The following MARCHF1 variants were observed in gnomAD, a reference collection of about 807,000 sequenced individuals.
MARCHF1 encodes the protein membrane associated ring-CH-type finger 1.
A neutral mutation model predicts 54.2 loss-of-function variants in MARCHF1; 40 were observed. The ratio of observed to expected loss-of-function variants is 0.74; its 90% confidence interval spans 0.57 to 0.96. MARCHF1 has a LOEUF of 0.96. MARCHF1 is among the 40% of genes least tolerant of loss of function. The pLI, the probability that MARCHF1 is intolerant of heterozygous loss-of-function variation, is 0.00. For missense variants in MARCHF1, 586 were observed against 656.5 expected, an observed-to-expected ratio of 0.89 and a Z score of 1.17; for synonymous variants, 236 against 236.3, an observed-to-expected ratio of 1.00 and a Z score of 0.01.
chr4:164,043,805 T>C (rs985120131), intron 2 of MARCHF1, among the ~76,000 whole-genome samples: 1 of 152,214 alleles, frequency 6.6e-6, no homozygotes, highest in African/African-American at 2.4e-5. Flanking sequence ...CATATGAGCA[T>C]AGAATTTTAG....
chr4:163,646,186 C>G (rs1399322598), intron 5 of MARCHF1, among the ~76,000 whole-genome samples: 1 of 152,056 alleles, frequency 6.6e-6, no homozygotes, highest in Non-Finnish European at 1.5e-5. Context: ...GACTTCTCAA[C>G]AGAAACTTGC....
At chr4:164,112,728 A>G (rs1755859581) in intron 1 of MARCHF1, among the ~76,000 whole-genome samples, 1 of 151,988 alleles carries the variant, frequency 6.6e-6, no homozygotes, top group Non-Finnish European at 1.5e-5. Context: ...TTCACACTAT[A>G]TACAACAAAT....
chr4:164,096,907 T>C (rs1048919691), intron 2 of MARCHF1, among the ~76,000 whole-genome samples: 2 of 152,156 alleles, frequency 1.3e-5, no homozygotes, highest in African/African-American at 2.4e-5. Flanking sequence ...ACTATTTTAC[T>C]ATGCCTAAAC....
intron 5 of MARCHF1, among the ~76,000 whole-genome samples, chr4:163,646,481 T>C (rs1029644067): frequency 1.3e-5 from 2 of 152,096 alleles, no homozygotes; most frequent in African/African-American, 2.4e-5. Flanking sequence ...CAAACTCAGA[T>C]TACCTCAATA....
chr4:163,585,555 T>C, intron 8 of MARCHF1, 194 bp downstream of exon 8: 1 of 418,684 alleles, frequency 2.4e-6, no homozygotes, highest in East Asian at 3.6e-5. Flanking sequence ...AGCTCTAGAA[T>C]ATAAAACATA....
intron 1 of MARCHF1, among the ~76,000 whole-genome samples, chr4:164,319,826 G>A (rs531400299): frequency 1.3e-5 from 2 of 152,118 alleles, no homozygotes; most frequent in African/African-American, 4.8e-5. Context: ...CCTAGAATGA[G>A]AACAGCAAAG....
At chr4:163,920,023 G>A (rs56292935) in intron 3 of MARCHF1, among the ~76,000 whole-genome samples, 38,011 of 151,990 alleles carry the variant, frequency 0.25, 6,191 homozygotes, top group African/African-American at 0.46. Flanking sequence ...AAATGAGAAA[G>A]ATATGTAATA....
intron 1 of MARCHF1, among the ~76,000 whole-genome samples, chr4:164,207,836 G>C (rs1218496457): frequency 6.6e-6 from 1 of 152,156 alleles, no homozygotes; most frequent in African/African-American, 2.4e-5. Context: ...AGAGTGGGAG[G>C]AGGGAGAGGA....
At position 164,284,387 on chromosome 4, in the gene MARCHF1, T is replaced by C. The variant is rs527565179; in HGVS notation, c.-323+99483A>G. The stretch of plus-strand genomic sequence containing the variant: ...GCAAGAACAAGCTGGTCTGGCTCAG[T>C]TCTCCAGAGTAGAAAAATTGTACAG... On this transcript the variant is annotated intron_variant, in intron 1 of 9. Transcript: ENST00000514618. 6.0e-4 allele frequency among the ~76,000 whole-genome samples: 89 copies of C among 149,358 alleles called. 2 individuals carry two copies. The highest frequency in any genetic ancestry group is 1.6e-3 in the Admixed American group (23 of 14,644).
rs183470181 is a variant in MARCHF1, at chr4:164,293,287, A to T, written c.-323+90583T>A. Among the ~76,000 whole-genome samples, 323 of 152,290 alleles carry T rather than the reference A, an allele frequency of 2.1e-3. 2 individuals carry two copies. Among genetic ancestry groups the T allele is most frequent in the African/African-American group, 7.6e-3 (314 of 41,572 alleles). ...GCAACAAATAGCAGAGTGTCAGCCA[A>T]TCACAAGCAGCCAAGCTTCAGTCAA... On this transcript the variant is annotated intron_variant, in intron 1 of 9. Transcript: ENST00000514618.
intron 1 of MARCHF1, among the ~76,000 whole-genome samples, chr4:164,117,012 C>A (rs1357900829): frequency 6.6e-6 from 1 of 152,028 alleles, no homozygotes; most frequent in Non-Finnish European, 1.5e-5. Flanking sequence ...AATGCCAGCA[C>A]TTTGGGAGGC....
In MARCHF1 at chr4:163,622,102, G is replaced by A. The variant is rs1233981589; in HGVS notation, c.163-8709C>T. ...TCTGGGTTGTGTAAAAGGCAGCTGA[G>A]ATTGCTTACCCAGGGAAGTAACCAG... On this transcript the variant is annotated intron_variant, in intron 5 of 9. Coordinates refer to ENST00000514618, the MANE Select transcript of MARCHF1 (RefSeq NM_001394959.1). 1.1e-4 allele frequency among the ~76,000 whole-genome samples: 16 copies of A among 152,170 alleles called. No individual in the cohort carries two copies. In the East Asian group the frequency reaches 3.1e-3, roughly 29 times the overall value.
chr4:163,839,605 A>C (rs1436799436), intron 4 of MARCHF1, among the ~76,000 whole-genome samples: 1 of 152,110 alleles, frequency 6.6e-6, no homozygotes, highest in African/African-American at 2.4e-5. Flanking sequence ...GTCACAAAAG[A>C]CTACATATTG....
Position 163,528,577 on chromosome 4 carries a change from A to C in MARCHF1, c.*171T>G, listed in dbSNP as rs1214203437. 15 of 614,274 alleles carry C rather than the reference A, an allele frequency of 2.4e-5. No individual in the cohort carries two copies. In the East Asian group the frequency reaches 3.7e-4, roughly 15 times the overall value. 38.1% of individuals were successfully genotyped at this position (614,274 alleles called of 1,614,324 possible). Reference sequence around the variant, plus strand: ...GCTATTACTTCATGGGCTCCTGGGCATTTGGTCTGTTTGTTTTTCTCCTTT... The same window carrying C: ...GCTATTACTTCATGGGCTCCTGGGCCTTTGGTCTGTTTGTTTTTCTCCTTT... On this transcript the variant is annotated 3_prime_UTR_variant, in exon 10 of 10. Coordinates refer to ENST00000514618, the MANE Select transcript of MARCHF1 (RefSeq NM_001394959.1).
chr4:163,998,249 G>T (rs1273399811), intron 2 of MARCHF1, among the ~76,000 whole-genome samples: 1 of 151,134 alleles, frequency 6.6e-6, no homozygotes, highest in South Asian at 2.1e-4. Context: ...GGCCTCTAAA[G>T]TCTCATACAT....
chr4:163,690,816 G>A (rs543709099), intron 5 of MARCHF1, among the ~76,000 whole-genome samples: 2 of 152,280 alleles, frequency 1.3e-5, no homozygotes, highest in East Asian at 3.9e-4. Flanking sequence ...CCTATCATAA[G>A]AAGCTCAAAG....
chr4:163,873,245 A>C (rs1447212101), intron 3 of MARCHF1, among the ~76,000 whole-genome samples: 2 of 152,196 alleles, frequency 1.3e-5, no homozygotes, highest in Non-Finnish European at 2.9e-5. Flanking sequence ...TAGCTAGTTT[A>C]CACCTCAGTG....
chr4:164,322,762 T>A (rs1483216510), intron 1 of MARCHF1, among the ~76,000 whole-genome samples: 1 of 151,706 alleles, frequency 6.6e-6, no homozygotes, highest in African/African-American at 2.4e-5. Flanking sequence ...CAAAGCAAAG[T>A]GTATAAATGA....
chr4:163,571,783 C>G (rs544541450), intron 8 of MARCHF1, among the ~76,000 whole-genome samples: 2 of 152,014 alleles, frequency 1.3e-5, no homozygotes, highest in African/African-American at 4.8e-5. Context: ...TTTCACTGTG[C>G]CAAGTTGAAA....
Sources: allele counts gnomAD v4.1 joint callset (sites outside exome capture counted in the v4.1 genomes callset), GRCh38; gene constraint gnomAD v4.1.1; transcripts MANE v1.5; gene names NCBI Gene and HGNC (gene_info 2026-07-23, HGNC 2026-07-21).